CFAP418: variants seen among roughly 807,000 people sequenced by gnomAD.
CFAP418 encodes cilia- and flagella-associated protein 418.
In CFAP418, 27 loss-of-function variants were observed where a neutral mutation model predicts 24.7. That is an observed-to-expected ratio of 1.09 (90% CI 0.81 to 1.51). The LOEUF is 1.51. CFAP418 is among the 40% of genes most tolerant of loss of function. The pLI, the probability that CFAP418 is intolerant of heterozygous loss-of-function variation, is 0.00. For missense variants in CFAP418, 257 were observed against 255.2 expected, an observed-to-expected ratio of 1.01 and a Z score of -0.05; for synonymous variants, 74 against 87.3, an observed-to-expected ratio of 0.85 and a Z score of 0.85.
At chr8:95,267,557 C>A (rs932393062) in intron 1 of CFAP418, among the ~76,000 whole-genome samples, 1 of 152,150 alleles carries the variant, frequency 6.6e-6, no homozygotes, top group Non-Finnish European at 1.5e-5. Context: ...CCACTGCACT[C>A]CAGCCTGGGC....
intron 4 of CFAP418, among the ~76,000 whole-genome samples, chr8:95,255,846 C>A (rs1811778132): frequency 6.6e-6 from 1 of 152,200 alleles, no homozygotes; most frequent in African/African-American, 2.4e-5. Flanking sequence ...TAAAGTACTT[C>A]ACACATAAAA....
At chr8:95,266,204 A>G (rs1232474889) in intron 1 of CFAP418, among the ~76,000 whole-genome samples, 1 of 152,216 alleles carries the variant, frequency 6.6e-6, no homozygotes. Context: ...ATACAGAAAG[A>G]GCTCAATAAA....
intron 1 of CFAP418, among the ~76,000 whole-genome samples, chr8:95,264,537 G>A (rs1230579812): frequency 6.6e-6 from 1 of 152,102 alleles, no homozygotes; most frequent in Non-Finnish European, 1.5e-5. Context: ...ATAAGTAGTG[G>A]GAGAAAAGGC....
chr8:95,268,312 T>TGTAATCCCAGTTTAC (rs1394786900), intron 1 of CFAP418, among the ~76,000 whole-genome samples: 1 of 151,988 alleles, frequency 6.6e-6, no homozygotes, highest in Admixed American at 6.5e-5. Flanking sequence ...GGCTCGTGCC[T>TGTAATCCCAGTTTAC]GTAATCCCAG....
intron 4 of CFAP418, among the ~76,000 whole-genome samples, chr8:95,257,135 G>A (rs1428819530): frequency 6.6e-6 from 1 of 152,178 alleles, no homozygotes; most frequent in Non-Finnish European, 1.5e-5. Context: ...AACTGCTGCT[G>A]TGGCTCATGG....
intron 1 of CFAP418, among the ~76,000 whole-genome samples, chr8:95,265,056 G>T (rs1310058652): frequency 6.6e-6 from 1 of 152,134 alleles, no homozygotes; most frequent in Non-Finnish European, 1.5e-5. Context: ...AATCAGTTGG[G>T]TGCTAATCCT....
chr8:95,251,833 A>T (rs965185405), intron 5 of CFAP418, among the ~76,000 whole-genome samples: 5 of 152,204 alleles, frequency 3.3e-5, no homozygotes, highest in Non-Finnish European at 7.3e-5. Flanking sequence ...AGCCTACCAC[A>T]CACCTAGGCT....
At position 95,245,277 on chromosome 8, in the gene CFAP418, G is replaced by A. The variant is rs1386467199; in HGVS notation, c.*2340C>T. The stretch of plus-strand genomic sequence containing the variant: ...AACATAATATTCTTTCTACATTTTA[G>A]TTTAAAATAGTACAATATTAAAAAG... On this transcript the variant is annotated 3_prime_UTR_variant, in exon 6 of 6. Coordinates refer to ENST00000286688, the MANE Select transcript of CFAP418 (RefSeq NM_177965.4). 1 of 151,930 alleles carries A rather than the reference G, an allele frequency of 6.6e-6. No individual in the cohort carries two copies. The highest frequency in any genetic ancestry group is 1.9e-4 in the East Asian group (1 of 5,190). 9.4% of individuals were successfully genotyped at this position (151,930 alleles called of 1,614,324 possible).
In CFAP418 at chr8:95,251,626, T is replaced by C. The variant is rs937129406; in HGVS notation, c.470+562A>G. On this transcript the variant is annotated intron_variant, in intron 5 of 5. Transcript: ENST00000286688. ...AAGGATGGTCTGAGAGAAGAGATTG[T>C]AGCCAGAAAAACCAGTGAGGAGGTT... Among the ~76,000 whole-genome samples, 7 of 152,268 alleles carry C rather than the reference T, an allele frequency of 4.6e-5. No homozygotes were observed. The East Asian group carries it at 1.3e-3, about 29-fold the overall frequency.
intron 4 of CFAP418, among the ~76,000 whole-genome samples, chr8:95,256,426 C>T (rs1169677274): frequency 6.6e-6 from 1 of 152,178 alleles, no homozygotes; most frequent in East Asian, 1.9e-4. Flanking sequence ...GCACCATAGG[C>T]ATAGTTTTCA....
chr8:95,265,721 A>T lies in CFAP418; in HGVS notation c.156-1947T>A, dbSNP rs547244221. On this transcript the variant is annotated intron_variant, in intron 1 of 5. Coordinates refer to ENST00000286688, the MANE Select transcript of CFAP418 (RefSeq NM_177965.4). ...TGTTACAGATCCAAATTACCAGCTT[A>T]CATAAGATTCTGGTCTGTTCTTAGA... Among the ~76,000 whole-genome samples, 3 of 152,326 alleles carry T rather than the reference A, an allele frequency of 2.0e-5. No individual in the cohort carries two copies. In the South Asian group the frequency reaches 6.2e-4, roughly 32 times the overall value.
intron 1 of CFAP418, chr8:95,268,770 C>T: frequency 1.0e-5 from 1 of 95,636 alleles, no homozygotes; most frequent in East Asian, 1.2e-4. Context: ...CGGGGCGGGG[C>T]GGGGCGGGGC....
chr8:95,263,598 G>A (rs1811926930), intron 2 of CFAP418, 89 bp downstream of exon 2: 6 of 722,010 alleles, frequency 8.3e-6, no homozygotes, highest in Non-Finnish European at 9.5e-6. Flanking sequence ...AAAAGATAAT[G>A]GGTAGCTACT....
intron 4 of CFAP418, among the ~76,000 whole-genome samples, chr8:95,255,974 C>T (rs953020251): frequency 2.0e-5 from 3 of 152,184 alleles, no homozygotes; most frequent in Admixed American, 6.5e-5. Context: ...CATATATATG[C>T]AACTGGTATC....
intron 4 of CFAP418, among the ~76,000 whole-genome samples, chr8:95,253,211 G>A (rs965867952): frequency 5.3e-5 from 8 of 152,130 alleles, no homozygotes; most frequent in Middle Eastern, 3.2e-3. Context: ...TCAGGAGGCT[G>A]AGGCAGGAGA....
intron 1 of CFAP418, among the ~76,000 whole-genome samples, chr8:95,266,414 G>A (rs907930638): frequency 1.3e-5 from 2 of 151,936 alleles, no homozygotes; most frequent in African/African-American, 4.8e-5. Flanking sequence ...TCTTACATTA[G>A]CAGTTGTTCC....
In CFAP418 at chr8:95,263,705, G is replaced by A; in HGVS notation, c.225C>T (p.Asn75=). 3 of 1,604,198 alleles carry A rather than the reference G, an allele frequency of 1.9e-6. No homozygotes were observed. Among genetic ancestry groups the A allele is most frequent in the Non-Finnish European group, 2.6e-6 (3 of 1,171,832 alleles). Residue 75 remains asparagine (N), a synonymous_variant, in exon 2 of 6, where the codon AAC becomes AAT. Transcript: ENST00000286688. ...GACTTACAGAGGGTTTTTTGTCCAAGTTGGGCTCTTCAAGTATTTCATTAA... is the reference window on the plus strand; with the variant it reads ...GACTTACAGAGGGTTTTTTGTCCAAATTGGGCTCTTCAAGTATTTCATTAA... ...SLINEILEEP[N]LDKKPSKLKS...
At chr8:95,256,024 T>C (rs540210931) in intron 4 of CFAP418, among the ~76,000 whole-genome samples, 3 of 152,360 alleles carry the variant, frequency 2.0e-5, no homozygotes, top group African/African-American at 7.2e-5. Flanking sequence ...TCAGGTATAA[T>C]TGATTTCGGC....
chr8:95,263,794 A>C lies in CFAP418; in HGVS notation c.156-20T>G. ...GTTGATCTGAAAAGAAGACATACAC[A>C]AAGAAAACTTACCTGAGGTTTATGA... On this transcript the variant is annotated intron_variant, in intron 1 of 5. Coordinates refer to ENST00000286688, the MANE Select transcript of CFAP418 (RefSeq NM_177965.4). 2.0e-6 allele frequency: 3 copies of C among 1,473,618 alleles called. No homozygotes were observed. The highest frequency in any genetic ancestry group is 2.8e-6 in the Non-Finnish European group (3 of 1,057,770). 91.3% of individuals were successfully genotyped at this position (1,473,618 alleles called of 1,614,324 possible).
Sources: gnomAD v4.1 joint callset for allele counts (sites outside exome capture counted in the v4.1 genomes callset) on GRCh38, gnomAD v4.1.1 for gene constraint, MANE v1.5 for transcripts, NCBI Gene and HGNC (gene_info 2026-07-23, HGNC 2026-07-21) for gene names.